CLEC2A: variants seen among roughly 807,000 people sequenced by gnomAD.
CLEC2A encodes C-type lectin domain family 2 member A, also known as keratinocyte-associated C-type lectin.
A neutral mutation model predicts 18.6 loss-of-function variants in CLEC2A; 19 were observed. The ratio of observed to expected loss-of-function variants is 1.02; its 90% CI spans 0.71 to 1.50. The LOEUF (loss-of-function observed/expected upper bound fraction) is 1.50. Among genes scored for constraint, CLEC2A ranks in the 40% most tolerant of loss-of-function variants. CLEC2A has a pLI of 0.00. For synonymous variants in CLEC2A, 74 were observed against 64.0 expected (o/e 1.16, Z -0.75); for missense variants, 190 against 207.9 (o/e 0.91, Z 0.53).
chr12:9,931,752 G>A lies in CLEC2A; in HGVS notation c.55+523C>T, dbSNP rs779813297. On this transcript the variant is annotated intron_variant, in intron 1 of 4. Coordinates refer to ENST00000455827, the MANE Select transcript of CLEC2A (RefSeq NM_001130711.2). ...CAGTCATTTGGCATACAATTCATTC[G>A]TTTTCTTTAACATAAACCCTCAGAA... is the stretch of plus-strand genomic sequence containing the variant. Among the ~76,000 whole-genome samples, 4 of 152,030 alleles carry A rather than the reference G, an allele frequency of 2.6e-5. No individual in the cohort carries two copies. The South Asian group carries it at 6.2e-4, about 24-fold the overall frequency.
At chr12:9,893,637 G>A in the CLEC2A span, 1 of 469,550 alleles carries the variant, frequency 2.1e-6, no homozygotes, top group Non-Finnish European at 3.6e-6. Context: ...TTCTTTCTCT[G>A]TTTTCCCTTA....
At chr12:9,924,864 A>C (rs644565) in intron 2 of CLEC2A, among the ~76,000 whole-genome samples, 105,292 of 152,062 alleles carry the variant, frequency 0.69, 36,901 homozygotes, top group African/African-American at 0.78. Flanking sequence ...GAGCTTCCTT[A>C]TTTTTCTTAT....
At position 9,913,489 on chromosome 12, in the gene CLEC2A, G is replaced by T; in HGVS notation, c.*77C>A. ...GGTTCCGTATTCTGTAACAGAATAA[G>T]TGAGAAAGCCACTTTTGCATAATTA... On this transcript the variant is annotated 3_prime_UTR_variant, in exon 5 of 5. Transcript: ENST00000455827. The T allele has an allele frequency of 6.7e-7, 1 of 1,487,996 alleles. No individual in the cohort carries two copies. Among genetic ancestry groups the T allele is most frequent in the South Asian group, 1.4e-5 (1 of 73,630 alleles). 92.2% of individuals were successfully genotyped at this position (1,487,996 alleles called of 1,614,324 possible). A position where few individuals can be genotyped will look rare whatever the true frequency, so the allele number is the denominator to read the frequency against.
the CLEC2A span, chr12:9,881,717 G>T: frequency 1.6e-6 from 2 of 1,237,514 alleles, no homozygotes; most frequent in Non-Finnish European, 2.3e-6. Context: ...ATTCTTCTAG[G>T]AAGAGAATTA....
downstream of CLEC2A, among the ~76,000 whole-genome samples, chr12:9,894,126 T>TCTC (rs1862724726): frequency 5.1e-4 from 67 of 130,288 alleles, 1 homozygote; most frequent in East Asian, 0.013. Flanking sequence ...TTTCTTTTCT[T>TCTC]TCTCTCTCTC....
chr12:9,877,960 A>G, the CLEC2A span, among the ~76,000 whole-genome samples: 1 of 152,212 alleles, frequency 6.6e-6, no homozygotes, highest in Non-Finnish European at 1.5e-5. Context: ...AAAGTTGTCT[A>G]AACACAATGA....
At chr12:9,898,758 T>C in exon 5 of CLEC2A, 1 of 513,802 alleles carries the variant, frequency 1.9e-6, no homozygotes, top group Non-Finnish European at 3.5e-6. Context: ...GAGGATGAAT[T>C]GCTCTGAATT....
chr12:9,908,110 T>C (rs7962026), intron 4 of CLEC2A, among the ~76,000 whole-genome samples: 225 of 152,320 alleles, frequency 1.5e-3, no homozygotes, highest in African/African-American at 5.3e-3. Context: ...GGCCTCAAGC[T>C]TATTCTGCCT....
At chr12:9,887,661 T>G in the CLEC2A span, among the ~76,000 whole-genome samples, 1 of 151,738 alleles carries the variant, frequency 6.6e-6, no homozygotes, top group African/African-American at 2.4e-5. Flanking sequence ...TCTGTCTATA[T>G]GAAAACAAAC....
chr12:9,903,872 G>C (rs1354875083), intron 4 of CLEC2A, among the ~76,000 whole-genome samples: 1 of 152,140 alleles, frequency 6.6e-6, no homozygotes, highest in East Asian at 1.9e-4. Flanking sequence ...AAACATGAGG[G>C]TCAAAGGACC....
chr12:9,892,166 C>T, the CLEC2A span, among the ~76,000 whole-genome samples: 11 of 152,164 alleles, frequency 7.2e-5, no homozygotes, highest in East Asian at 3.9e-4. Flanking sequence ...CAGAAATTGA[C>T]GGTTCAAGGC....
chr12:9,905,666 T>C (rs1250571684), intron 4 of CLEC2A, among the ~76,000 whole-genome samples: 1 of 152,216 alleles, frequency 6.6e-6, no homozygotes, highest in East Asian at 1.9e-4. Context: ...TCATTCTTTC[T>C]ACTCTTCCTG....
At chr12:9,895,562 A>C (rs1180667024), downstream of CLEC2A, 1 of 817,096 alleles carries the variant, frequency 1.2e-6, no homozygotes, top group East Asian at 2.8e-5. Context: ...TGAAAATTCC[A>C]TTCTAAAACC....
chr12:9,920,846 C>T (rs556350004), intron 3 of CLEC2A, among the ~76,000 whole-genome samples: 1 of 152,274 alleles, frequency 6.6e-6, no homozygotes, highest in African/African-American at 2.4e-5. Flanking sequence ...CCTTCATTTC[C>T]TTGTCTCTAA....
intron 4 of CLEC2A, among the ~76,000 whole-genome samples, chr12:9,914,026 T>C (rs1277778924): frequency 2.0e-5 from 3 of 152,194 alleles, no homozygotes; most frequent in Non-Finnish European, 4.4e-5. Flanking sequence ...TTTCTATCTA[T>C]ATGCAAAGAG....
the CLEC2A span, among the ~76,000 whole-genome samples, chr12:9,883,052 G>A: frequency 1.3e-5 from 2 of 152,132 alleles, no homozygotes; most frequent in Admixed American, 6.5e-5. Context: ...AATGAAGGAA[G>A]GATAGGGCTG....
At chr12:9,928,290 A>AC (rs1205877060) in intron 1 of CLEC2A, among the ~76,000 whole-genome samples, 3 of 152,042 alleles carry the variant, frequency 2.0e-5, no homozygotes, top group Non-Finnish European at 2.9e-5. Flanking sequence ...ACATGGTGAG[A>AC]CCCCTTCTCT....
intron 1 of CLEC2A, among the ~76,000 whole-genome samples, chr12:9,928,473 A>AAAAG (rs574095268): frequency 6.6e-6 from 1 of 152,134 alleles, no homozygotes; most frequent in East Asian, 1.9e-4. Context: ...TTAAAAAAGA[A>AAAAG]AAAGAAAGAA....
At chr12:9,923,629 G>A (rs1000861739) in intron 2 of CLEC2A, among the ~76,000 whole-genome samples, 1 of 152,198 alleles carries the variant, frequency 6.6e-6, no homozygotes, top group African/African-American at 2.4e-5. Flanking sequence ...ACATACACAC[G>A]TATGTTTATT....
Sources: gnomAD v4.1 joint callset for allele counts (sites outside exome capture counted in the v4.1 genomes callset) on GRCh38, gnomAD v4.1.1 for gene constraint, MANE v1.5 for transcripts, NCBI Gene and HGNC (gene_info 2026-07-23, HGNC 2026-07-21) for gene names.